PCDHGA7: variants seen among roughly 807,000 people sequenced by gnomAD.
PCDHGA7 encodes protocadherin gamma subfamily A, 7.
PCDHGA7 carries 44 observed loss-of-function variants against 58.3 expected under a neutral mutation model. The observed-to-expected ratio is 0.75, with a 90% CI of 0.59 to 0.97. The LOEUF (loss-of-function observed/expected upper bound fraction) is 0.97, where lower values mean the gene tolerates loss of function less well. Ranked by LOEUF, PCDHGA7 falls within the 50% of genes least tolerant of loss-of-function variation. PCDHGA7 has a pLI of 0.00. For missense variants in PCDHGA7, 1,266 were observed against 1,188.7 expected (o/e 1.06, Z -0.96); for synonymous variants, 516 against 504.2 (o/e 1.02, Z -0.31).
intron 1 of PCDHGA7, chr5:141,396,140 G>A (rs1199993001): frequency 2.0e-5 from 3 of 152,178 alleles, no homozygotes; most frequent in Non-Finnish European, 4.4e-5. Flanking sequence ...TTCTAAATAA[G>A]CTGATCAATT....
chr5:141,427,896 C>G, intron 1 of PCDHGA7: 1 of 1,570,508 alleles, frequency 6.4e-7, no homozygotes, highest in East Asian at 2.2e-5. Context: ...CCAGGGCTCG[C>G]CCGCGCTCAG....
intron 1 of PCDHGA7, chr5:141,395,325 G>T (rs1261775810): frequency 6.8e-7 from 1 of 1,473,892 alleles, no homozygotes; most frequent in Admixed American, 2.5e-5. Context: ...GAAGATAGTT[G>T]AAAATAATTT....
chr5:141,394,276 C>T, intron 1 of PCDHGA7: 2 of 1,613,976 alleles, frequency 1.2e-6, no homozygotes, highest in South Asian at 1.1e-5. Flanking sequence ...GCCCAGGTCA[C>T]TTACTCTGTG....
At chr5:141,427,617 G>A (rs1295636754) in intron 1 of PCDHGA7, 3 of 694,694 alleles carry the variant, frequency 4.3e-6, no homozygotes, top group Admixed American at 2.0e-5. Flanking sequence ...TGAAGTCAAC[G>A]ACAATGCTCC....
Position 141,431,520 on chromosome 5 carries a change from A to T in PCDHGA7, c.2424+46197A>T. ...GAGTACCGCGCGAGCGTTCCGGAGA[A>T]TCTGGCCTTGGGCACGCAGCTGCTT... On this transcript the variant is annotated intron_variant, in intron 1 of 3. Transcript: ENST00000518325. The surrounding 1 kb of genome is among the most constrained non-coding windows in gnomAD (Gnocchi z 4.8). 6.2e-7 allele frequency: 1 copy of T among 1,614,068 alleles called. No homozygotes were observed. Among genetic ancestry groups the T allele is most frequent in the Non-Finnish European group, 8.5e-7 (1 of 1,180,020 alleles).
rs1430260899 is a variant in PCDHGA7, at chr5:141,415,763, T to G, written c.2424+30440T>G. On this transcript the variant is annotated intron_variant, in intron 1 of 3. Transcript: ENST00000518325. ...AGGTTTTTTTTTTTTTTTTTTTTTT[T>G]TTTTTTTTTACTTTCTGGTAAAATT... is the stretch of plus-strand genomic sequence containing the variant. The G allele has an allele frequency of 1.1e-5, 15 of 1,398,354 alleles. No homozygotes were observed. The African/African-American group carries it at 2.1e-4, about 19-fold the overall frequency. 86.6% of individuals were successfully genotyped at this position (1,398,354 alleles called of 1,614,324 possible). A position where few individuals can be genotyped will look rare whatever the true frequency, so the allele number is the denominator to read the frequency against.
chr5:141,485,814 CT>C lies in PCDHGA7; in HGVS notation c.2425-8992del, dbSNP rs2099619658. On this transcript the variant is annotated intron_variant, in intron 1 of 3. Transcript: ENST00000518325. The surrounding 1 kb of genome is among the most constrained non-coding windows in gnomAD (Gnocchi z 5.7). ...TCGGACTACCGCCTGGTGCTGACTGCTGTCGATGGAGGGAACCCGCCGAGAT... is the reference window on the plus strand; with the variant it reads ...TCGGACTACCGCCTGGTGCTGACTGCGTCGATGGAGGGAACCCGCCGAGAT... The C allele has an allele frequency of 6.2e-7, 1 of 1,613,864 alleles. No individual in the cohort carries two copies. Among genetic ancestry groups the C allele is most frequent in the Non-Finnish European group, 8.5e-7 (1 of 1,179,990 alleles).
At chr5:141,510,627 G>C (rs2099881988) in intron 3 of PCDHGA7, among the ~76,000 whole-genome samples, 2 of 152,090 alleles carry the variant, frequency 1.3e-5, no homozygotes, top group South Asian at 2.1e-4. Context: ...AACCAGAAGA[G>C]GTGGTTACCA....
chr5:141,395,654 A>G (rs1462491005), intron 1 of PCDHGA7: 1 of 164,436 alleles, frequency 6.1e-6, no homozygotes, highest in Admixed American at 6.1e-5. Context: ...AGCTTAGCAA[A>G]AGTAAAATAT....
chr5:141,399,387 CACAG>C, intron 1 of PCDHGA7: 4 of 1,614,028 alleles, frequency 2.5e-6, no homozygotes, highest in Non-Finnish European at 2.5e-6. Context: ...CCATCACAGC[CACAG>C]ACAGGGGCAA....
At chr5:141,388,827 A>T (rs376001893) in intron 1 of PCDHGA7, 4 of 1,614,024 alleles carry the variant, frequency 2.5e-6, no homozygotes, top group Non-Finnish European at 2.5e-6. Flanking sequence ...AGAATATTCC[A>T]TAGTTTTGGA....
chr5:141,408,597 A>G (rs1389452276), intron 1 of PCDHGA7: 1 of 1,614,042 alleles, frequency 6.2e-7, no homozygotes, highest in Non-Finnish European at 8.5e-7. Context: ...CACGCCCCTC[A>G]ATTTGATAAA....
intron 1 of PCDHGA7, among the ~76,000 whole-genome samples, chr5:141,401,851 T>C (rs902809229): frequency 3.9e-5 from 6 of 152,242 alleles, no homozygotes; most frequent in African/African-American, 1.4e-4. Context: ...CACTTACTTT[T>C]AACCTTTCAG....
rs532490777 is a variant in PCDHGA7, at chr5:141,487,782, T to C, written c.2425-7025T>C. 7.2e-6 allele frequency: 11 copies of C among 1,525,744 alleles called. No homozygotes were observed. The South Asian group carries it at 1.2e-4, about 17-fold the overall frequency. The allele number at this position is 1,525,744 out of a possible 1,614,324, so 94.5% of individuals were successfully genotyped here. ...GACGCTGTGCTTTGTAACTGTTTCGTGAATTAACCAGAGTTGTCACAGTTT... is the reference window on the plus strand; with the variant it reads ...GACGCTGTGCTTTGTAACTGTTTCGCGAATTAACCAGAGTTGTCACAGTTT... On this transcript the variant is annotated intron_variant, in intron 1 of 3. Coordinates refer to ENST00000518325, the MANE Select transcript of PCDHGA7 (RefSeq NM_018920.4). This position sits in a 1 kb window ranked among gnomAD's most constrained non-coding sequence, Gnocchi z 5.0.
chr5:141,413,914 A>G (rs776089620), intron 1 of PCDHGA7: 13 of 1,613,234 alleles, frequency 8.1e-6, no homozygotes. Flanking sequence ...GCCGGTCTTC[A>G]CCTTGCCAGA....
At chr5:141,444,531 C>T (rs1021207516) in intron 1 of PCDHGA7, among the ~76,000 whole-genome samples, 2 of 152,100 alleles carry the variant, frequency 1.3e-5, no homozygotes, top group Non-Finnish European at 1.5e-5. Context: ...GAGACAGTGA[C>T]TGTGTCTAGT....
intron 1 of PCDHGA7, among the ~76,000 whole-genome samples, chr5:141,406,174 G>T (rs990967391): frequency 6.6e-6 from 1 of 151,264 alleles, no homozygotes; most frequent in African/African-American, 2.4e-5. Context: ...CTGGGCTTAT[G>T]CAATCCTCCC....
At position 141,490,356 on chromosome 5, in the gene PCDHGA7, T is replaced by C. The variant is rs771968534; in HGVS notation, c.2425-4451T>C. ...CAGTGGGCACAGTAGTGGGGTTGTT[T>C]AATGTGCGAGACCGGGACTCAGGTA... On this transcript the variant is annotated intron_variant, in intron 1 of 3. Coordinates refer to ENST00000518325, the MANE Select transcript of PCDHGA7 (RefSeq NM_018920.4). The surrounding 1 kb of genome is among the most constrained non-coding windows in gnomAD (Gnocchi z 5.4). 1.4e-5 allele frequency: 23 copies of C among 1,614,084 alleles called. No individual in the cohort carries two copies. Among genetic ancestry groups the C allele is most frequent in the Non-Finnish European group, 1.9e-5 (22 of 1,180,038 alleles).
chr5:141,389,374 G>C (rs192606668), intron 1 of PCDHGA7: 6 of 1,613,666 alleles, frequency 3.7e-6, no homozygotes, highest in Admixed American at 1.7e-5. Flanking sequence ...CTGGAGCAGC[G>C]GGAGCTGTCA....
Sources: allele counts gnomAD v4.1 joint callset (sites outside exome capture counted in the v4.1 genomes callset), GRCh38; gene constraint gnomAD v4.1.1; non-coding constraint Gnocchi (gnomAD v3.1); transcripts MANE v1.5; gene names NCBI Gene and HGNC (gene_info 2026-07-23, HGNC 2026-07-21).